LOC400499: variants seen among roughly 807,000 people sequenced by gnomAD.
At chr16:11,482,279 G>A in the LOC400499 span, among the ~76,000 whole-genome samples, 2 of 152,186 alleles carry the variant, frequency 1.3e-5, no homozygotes, top group Non-Finnish European at 2.9e-5. Context: ...TGAGCCAGGG[G>A]ACTCCCTGAA....
At chr16:11,491,896 C>T in the LOC400499 span, 1 of 398,390 alleles carries the variant, frequency 2.5e-6, no homozygotes, top group Non-Finnish European at 4.4e-6. Flanking sequence ...TACCTCCACC[C>T]AGGAGTATGA....
At chr16:11,514,310 C>A in the LOC400499 span, 1 of 399,034 alleles carries the variant, frequency 2.5e-6, no homozygotes. Flanking sequence ...CTGGCCAGAC[C>A]CCCTCATGCC....
the LOC400499 span, chr16:11,384,396 C>A: frequency 8.1e-6 from 7 of 861,552 alleles, no homozygotes; most frequent in Admixed American, 2.6e-4. Context: ...GCCCTGCTGC[C>A]TCAGGACCTG....
the LOC400499 span, chr16:11,435,661 C>T: frequency 2.5e-6 from 1 of 399,404 alleles, no homozygotes; most frequent in Non-Finnish European, 4.4e-6. Flanking sequence ...GGGACCATTA[C>T]CTTGCTGGGG....
chr16:11,428,002 G>C, the LOC400499 span, among the ~76,000 whole-genome samples: 4 of 152,154 alleles, frequency 2.6e-5, no homozygotes, highest in African/African-American at 9.7e-5. Context: ...CCACAAGAAA[G>C]AATTCAGGGA....
chr16:11,502,248 G>A, the LOC400499 span: 9 of 398,152 alleles, frequency 2.3e-5, no homozygotes, highest in East Asian at 3.6e-5. Context: ...CACCTCACCC[G>A]TCCCCTGCCT....
chr16:11,514,885 C>T, the LOC400499 span, among the ~76,000 whole-genome samples: 1 of 152,198 alleles, frequency 6.6e-6, no homozygotes, highest in Non-Finnish European at 1.5e-5. Context: ...CTCTTAGATG[C>T]TGAGACTTTT....
the LOC400499 span, chr16:11,439,466 C>T: frequency 7.5e-6 from 3 of 398,878 alleles, no homozygotes; most frequent in Non-Finnish European, 1.3e-5. Flanking sequence ...TCAAGGTCAT[C>T]TCCAAGGGAG....
chr16:11,380,477 G>C, the LOC400499 span, among the ~76,000 whole-genome samples: 3 of 152,118 alleles, frequency 2.0e-5, no homozygotes, highest in South Asian at 2.1e-4. Context: ...CTACTCGGGA[G>C]GCTGCACCAC....
the LOC400499 span, chr16:11,396,751 AATG>A: frequency 2.6e-6 from 3 of 1,168,342 alleles, no homozygotes; most frequent in Admixed American, 4.2e-5. Flanking sequence ...CTGCACCGAG[AATG>A]CAGCAGCAGC....
the LOC400499 span, among the ~76,000 whole-genome samples, chr16:11,517,233 C>G: frequency 7.0e-4 from 107 of 152,264 alleles, no homozygotes; most frequent in African/African-American, 2.4e-3. Context: ...ATCTACTCCC[C>G]TCTAACTTGT....
At chr16:11,401,902 C>T in the LOC400499 span, 2 of 397,836 alleles carry the variant, frequency 5.0e-6, no homozygotes, top group Non-Finnish European at 8.9e-6. Context: ...TTCCCACAGT[C>T]CCTTGGGGAT....
At chr16:11,462,445 C>T in the LOC400499 span, 7 of 1,285,140 alleles carry the variant, frequency 5.4e-6, no homozygotes, top group Non-Finnish European at 6.9e-6. Flanking sequence ...TTTCTTTTTC[C>T]TTGAGACAGA....
the LOC400499 span, among the ~76,000 whole-genome samples, chr16:11,450,425 G>A: frequency 6.6e-6 from 1 of 152,106 alleles, no homozygotes; most frequent in Non-Finnish European, 1.5e-5. Context: ...TCTTTTTTTA[G>A]GTCTAATTCT....
the LOC400499 span, among the ~76,000 whole-genome samples, chr16:11,430,288 C>G: frequency 3.8e-4 from 58 of 152,190 alleles, no homozygotes; most frequent in Middle Eastern, 6.8e-3. Context: ...GAGTTCGAGA[C>G]CAGCCTGGTC....
At chr16:11,474,635 G>A in the LOC400499 span, among the ~76,000 whole-genome samples, 1 of 151,984 alleles carries the variant, frequency 6.6e-6, no homozygotes, top group Non-Finnish European at 1.5e-5. Flanking sequence ...CAAGGCAGGT[G>A]GATCACTTGA....
At chr16:11,463,376 G>A in the LOC400499 span, among the ~76,000 whole-genome samples, 2 of 149,806 alleles carry the variant, frequency 1.3e-5, no homozygotes. Flanking sequence ...ACAGATGTGT[G>A]TGCGGATGTG....
chr16:11,443,241 T>C, the LOC400499 span: 1 of 306,580 alleles, frequency 3.3e-6, no homozygotes, highest in East Asian at 1.1e-4. Flanking sequence ...GGAGAATCAC[T>C]TGAACCCAGG....
At chr16:11,390,883 C>T in the LOC400499 span, among the ~76,000 whole-genome samples, 7 of 152,328 alleles carry the variant, frequency 4.6e-5, 1 homozygote, top group South Asian at 8.3e-4. Context: ...CCAGGAGCTG[C>T]TCTGGTGACA....
Sources: gnomAD v4.1 joint callset for allele counts (sites outside exome capture counted in the v4.1 genomes callset) on GRCh38, gnomAD v4.1.1 for gene constraint, MANE v1.5 for transcripts.